LIN9: variants seen among roughly 807,000 people sequenced by gnomAD.
LIN9 encodes lin-9 DREAM MuvB core complex component.
LIN9 carries 18 observed loss-of-function variants against 78.0 expected under a neutral mutation model. The observed-to-expected ratio is 0.23, with a 90% CI of 0.16 to 0.34. The LOEUF is 0.34. Ranked by LOEUF, LIN9 falls within the 10% of genes least tolerant of loss-of-function variation. The probability of loss-of-function intolerance (pLI) is 1.00; values close to 1 mark genes in which losing one functional copy is unlikely to be tolerated. For missense variants in LIN9, 451 were observed against 644.1 expected (o/e 0.70, Z 3.25); for synonymous variants, 192 against 215.2 (o/e 0.89, Z 0.94).
At chr1:226,267,422 C>CAAAA (rs10679567) in intron 8 of LIN9, among the ~76,000 whole-genome samples, 14 of 91,276 alleles carry the variant, frequency 1.5e-4, no homozygotes, top group East Asian at 3.2e-4. Context: ...GACTCCGTCT[C>CAAAA]AAAAAAAAAA....
Position 226,286,445 on chromosome 1 carries a change from CT to C in LIN9, c.411del (p.Gly138ValfsTer9). ...AGACATACACAGAAGTCATTATCAC[CT>C]TCAAAAAGTGGTCTGTAAAACAGAT... Reference protein sequence around the residue: ...FYSNIDKPLFEGDNDFCVCLK... With the variant: ...FYSNIDKPLFXGDNDFCVCLK... On this transcript the variant is annotated frameshift_variant, in exon 6 of 15. Coordinates refer to ENST00000681046, the MANE Select transcript of LIN9 (RefSeq NM_001366245.2). LOFTEE classifies it high-confidence loss of function. 2 of 1,581,042 alleles carry C rather than the reference CT, an allele frequency of 1.3e-6. No individual in the cohort carries two copies. Among genetic ancestry groups the C allele is most frequent in the Non-Finnish European group, 1.7e-6 (2 of 1,159,308 alleles).
intron 10 of LIN9, 128 bp from the exon 11 acceptor site, chr1:226,251,047 G>C: frequency 1.9e-6 from 1 of 518,052 alleles, no homozygotes; most frequent in South Asian, 2.4e-5. Context: ...TATATATATA[G>C]CATAGCATTG....
At chr1:226,272,587 T>C (rs1660363382) in intron 7 of LIN9, among the ~76,000 whole-genome samples, 1 of 149,696 alleles carries the variant, frequency 6.7e-6, no homozygotes, top group South Asian at 2.1e-4. Context: ...GGTCTCACTA[T>C]GGTGGGAAAA....
At position 226,250,712 on chromosome 1, in the gene LIN9, G is replaced by A. The variant is rs376122850; in HGVS notation, c.1119+127C>T. 1.1e-3 allele frequency: 643 copies of A among 586,800 alleles called. 8 individuals are homozygous for A. In the South Asian group the frequency reaches 0.011, roughly 10 times the overall value. The allele number at this position is 586,800 out of a possible 1,614,324, so 36.3% of individuals were successfully genotyped here. On this transcript the variant is annotated intron_variant, in intron 11 of 14. Transcript: ENST00000681046. ...CTACAGGTGTGGACCTCATGCAAAT[G>A]AGGATTTAAAAATAATATTTATCTG...
At chr1:226,309,676 G>T (rs1217006832), upstream of LIN9, 1 of 1,282,964 alleles carries the variant, frequency 7.8e-7, no homozygotes, top group Non-Finnish European at 1.0e-6. Context: ...CACTTTTCCC[G>T]AGACCGCCGG....
At chr1:226,296,251 C>T (rs143665417) in intron 3 of LIN9, among the ~76,000 whole-genome samples, 206 of 152,264 alleles carry the variant, frequency 1.4e-3, no homozygotes, top group African/African-American at 4.5e-3. Flanking sequence ...AAATAAGTTC[C>T]GGAAATTCCA....
Position 226,301,169 on chromosome 1 carries a change from T to G in LIN9, c.64+4A>C. 1.3e-6 allele frequency: 2 copies of G among 1,599,682 alleles called. No individual in the cohort carries two copies. The highest frequency in any genetic ancestry group is 1.7e-6 in the Non-Finnish European group (2 of 1,175,452). On this transcript the variant is annotated splice_donor_region_variant and intron_variant, in intron 2 of 14. Coordinates refer to ENST00000681046, the MANE Select transcript of LIN9 (RefSeq NM_001366245.2). ...GGTATACCTAAAAATGCTATACTTC[T>G]TACCTTTTAAACTGACAAGGGCTTT...
At chr1:226,272,424 A>T in intron 7 of LIN9, among the ~76,000 whole-genome samples, 1 of 150,362 alleles carries the variant, frequency 6.7e-6, no homozygotes, top group East Asian at 1.9e-4. Context: ...GTGTCACCCA[A>T]ACTGGAGTGC....
At chr1:226,308,516 G>A (rs1194491734) in intron 1 of LIN9, among the ~76,000 whole-genome samples, 1 of 152,202 alleles carries the variant, frequency 6.6e-6, no homozygotes, top group Non-Finnish European at 1.5e-5. Context: ...GGTCCCAGGG[G>A]AAGGGGCCAA....
chr1:226,287,714 A>G lies in LIN9; in HGVS notation c.348T>C (p.Pro116=). The G allele has an allele frequency of 6.4e-7, 1 of 1,557,140 alleles. No individual in the cohort carries two copies. The highest frequency in any genetic ancestry group is 8.6e-7 in the Non-Finnish European group (1 of 1,160,952). Residue 116 remains proline (P), a synonymous_variant, in exon 5 of 15, where the codon CCT becomes CCC. Coordinates refer to ENST00000681046, the MANE Select transcript of LIN9 (RefSeq NM_001366245.2). The stretch of plus-strand genomic sequence containing the variant: ...CGTATATACACCATTTATGTGCTTT[A>G]GGAAGCTTGAGCAGATTACGTAATC... ...GFRLRNLLKL[P]KAHKWCIYEW...
At chr1:226,309,377 C>T, upstream of LIN9, 2 of 987,468 alleles carry the variant, frequency 2.0e-6, no homozygotes, top group Non-Finnish European at 2.4e-6. Context: ...CCGAGCCGGG[C>T]GGGAGGAAGG....
chr1:226,279,132 G>C (rs1012746864), intron 6 of LIN9, among the ~76,000 whole-genome samples: 5 of 151,918 alleles, frequency 3.3e-5, no homozygotes, highest in Admixed American at 6.6e-5. Context: ...CTGCGCTCCA[G>C]CCTGGGCAAC....
At chr1:226,240,922 T>C (rs892389791) in intron 11 of LIN9, among the ~76,000 whole-genome samples, 1 of 152,240 alleles carries the variant, frequency 6.6e-6, no homozygotes, top group Admixed American at 6.5e-5. Flanking sequence ...ATATTATTGC[T>C]TATTGTCTCC....
chr1:226,280,295 TA>T (rs1318862051), intron 6 of LIN9, among the ~76,000 whole-genome samples: 2 of 152,178 alleles, frequency 1.3e-5, no homozygotes, highest in Non-Finnish European at 2.9e-5. Context: ...CAGCACTGTA[TA>T]AAGTGAATTG....
chr1:226,238,083 GA>G (rs1184178682), intron 12 of LIN9, among the ~76,000 whole-genome samples: 1 of 152,112 alleles, frequency 6.6e-6, no homozygotes, highest in African/African-American at 2.4e-5. Flanking sequence ...CCTGTAGTAG[GA>G]AACTCAAATT....
At chr1:226,301,508 G>A (rs1266179271) in intron 1 of LIN9, among the ~76,000 whole-genome samples, 1 of 152,136 alleles carries the variant, frequency 6.6e-6, no homozygotes, top group African/African-American at 2.4e-5. Flanking sequence ...GGTAATTTTG[G>A]ATCCTCATCC....
chr1:226,281,884 G>T (rs1661089076), intron 6 of LIN9, among the ~76,000 whole-genome samples: 1 of 151,772 alleles, frequency 6.6e-6, no homozygotes, highest in African/African-American at 2.4e-5. Flanking sequence ...AGTAGAGACG[G>T]GGTTTCACCA....
intron 10 of LIN9, among the ~76,000 whole-genome samples, chr1:226,258,864 CAA>C (rs1659376688): frequency 9.0e-6 from 1 of 111,268 alleles, no homozygotes; most frequent in African/African-American, 3.6e-5. Context: ...GCACTCCAGC[CAA>C]GGGTGACAGA....
intron 4 of LIN9, among the ~76,000 whole-genome samples, chr1:226,290,534 G>A (rs182702879): frequency 3.3e-5 from 5 of 151,812 alleles, no homozygotes; most frequent in Admixed American, 2.6e-4. Flanking sequence ...TAGAGACGGG[G>A]TTTCACCGTG....
Sources: allele counts gnomAD v4.1 joint callset (sites outside exome capture counted in the v4.1 genomes callset), GRCh38; gene constraint gnomAD v4.1.1; transcripts MANE v1.5; gene names NCBI Gene and HGNC (gene_info 2026-07-23, HGNC 2026-07-21).